GALNTL6: variants seen among roughly 807,000 people sequenced by gnomAD.
GALNTL6 encodes the protein polypeptide N-acetylgalactosaminyltransferase like 6.
A neutral mutation model predicts 73.7 loss-of-function variants in GALNTL6; 46 were observed. The observed-to-expected ratio is 0.62, with a 90% CI of 0.49 to 0.80. The LOEUF is 0.80. Ranked by LOEUF, GALNTL6 falls within the 30% of genes least tolerant of loss-of-function variation. GALNTL6 has a pLI of 0.00. For missense variants in GALNTL6, 604 were observed against 755.0 expected (o/e 0.80, Z 2.34); for synonymous variants, 259 against 263.7 (o/e 0.98, Z 0.17).
intron 5 of GALNTL6, among the ~76,000 whole-genome samples, chr4:172,672,380 C>A (rs1732039059): frequency 6.6e-6 from 1 of 152,174 alleles, no homozygotes; most frequent in African/African-American, 2.4e-5. Context: ...GGTACCTACA[C>A]TTTTTGATAG....
intron 10 of GALNTL6, among the ~76,000 whole-genome samples, chr4:172,980,217 G>A (rs2126429806): frequency 6.6e-6 from 1 of 152,278 alleles, no homozygotes; most frequent in Non-Finnish European, 1.5e-5. Context: ...TTTACACAAA[G>A]CAAAAGCAAC....
chr4:172,649,524 G>A (rs1740384260), intron 5 of GALNTL6, among the ~76,000 whole-genome samples: 1 of 152,144 alleles, frequency 6.6e-6, no homozygotes, highest in Non-Finnish European at 1.5e-5. Flanking sequence ...GCTCTCTTCT[G>A]TGTTAGAATA....
intron 5 of GALNTL6, among the ~76,000 whole-genome samples, chr4:172,628,647 A>G (rs575205318): frequency 9.2e-5 from 14 of 152,150 alleles, no homozygotes; most frequent in Admixed American, 6.5e-4. Context: ...CAGAGATGGT[A>G]TATCTCTGAA....
chr4:172,183,506 G>T (rs537087093), intron 2 of GALNTL6, among the ~76,000 whole-genome samples: 1 of 152,284 alleles, frequency 6.6e-6, no homozygotes, highest in Admixed American at 6.5e-5. Flanking sequence ...TTCAGTGTTG[G>T]TAGTTTCATT....
rs199943921 is a variant in GALNTL6 at position 172,882,759 on chromosome 4, T to C, written c.924-31T>C. 39 of 1,306,614 alleles carry C rather than the reference T, an allele frequency of 3.0e-5. No homozygotes were observed. The East Asian group carries it at 8.1e-4, about 27-fold the overall frequency. The allele number at this position is 1,306,614 out of a possible 1,614,324, so 80.9% of individuals were successfully genotyped here. A position where few individuals can be genotyped will look rare whatever the true frequency, so the allele number is the denominator to read the frequency against. ...ATGCCATTGTCTGTAACGTTCATAGTCCTTTAAAGATTATTTTGTTCATTT... is the reference window on the plus strand; with the variant it reads ...ATGCCATTGTCTGTAACGTTCATAGCCCTTTAAAGATTATTTTGTTCATTT... On this transcript the variant is annotated intron_variant, in intron 7 of 12. Coordinates refer to ENST00000506823, the MANE Select transcript of GALNTL6 (RefSeq NM_001034845.3).
chr4:172,480,870 C>G (rs999066896), intron 5 of GALNTL6, among the ~76,000 whole-genome samples: 3 of 152,142 alleles, frequency 2.0e-5, no homozygotes, highest in African/African-American at 7.2e-5. Context: ...ATGTCCTCCA[C>G]TAGACTAGCC....
chr4:172,964,276 T>C (rs1007268804), intron 10 of GALNTL6, among the ~76,000 whole-genome samples: 1 of 152,222 alleles, frequency 6.6e-6, no homozygotes. Flanking sequence ...GCTAAAGTCA[T>C]TTAGAGTGCT....
chr4:171,930,735 C>A (rs889409335), intron 2 of GALNTL6, among the ~76,000 whole-genome samples: 3 of 152,114 alleles, frequency 2.0e-5, no homozygotes, highest in African/African-American at 7.2e-5. Context: ...ACTTGGGAGG[C>A]TAAGGCAGAG....
intron 2 of GALNTL6, among the ~76,000 whole-genome samples, chr4:171,988,132 G>A (rs1740168980): frequency 6.6e-6 from 1 of 152,144 alleles, no homozygotes; most frequent in African/African-American, 2.4e-5. Flanking sequence ...CAGACATGAG[G>A]GCTAGGCTAA....
At chr4:172,398,693 A>T (rs973614670) in intron 5 of GALNTL6, among the ~76,000 whole-genome samples, 9 of 152,210 alleles carry the variant, frequency 5.9e-5, no homozygotes, top group African/African-American at 2.2e-4. Context: ...TGGTTCAATA[A>T]ACTATAATAT....
At chr4:172,007,505 AG>A in intron 2 of GALNTL6, among the ~76,000 whole-genome samples, 1 of 152,294 alleles carries the variant, frequency 6.6e-6, no homozygotes, top group South Asian at 2.1e-4. Flanking sequence ...ATCAAGTAAC[AG>A]CAGCAATTAA....
intron 9 of GALNTL6, among the ~76,000 whole-genome samples, chr4:172,937,704 G>T (rs978777610): frequency 1.3e-5 from 2 of 152,122 alleles, no homozygotes; most frequent in East Asian, 3.9e-4. Flanking sequence ...TGACAGTAAC[G>T]TACAGTCCAC....
intron 5 of GALNTL6, among the ~76,000 whole-genome samples, chr4:172,443,141 T>TATATAG (rs1731896434): frequency 8.5e-6 from 1 of 118,102 alleles, no homozygotes; most frequent in Non-Finnish European, 1.7e-5. Context: ...TATATATATA[T>TATATAG]ATATATATAT....
chr4:172,218,585 A>C (rs1449388496), intron 2 of GALNTL6, among the ~76,000 whole-genome samples: 1 of 152,088 alleles, frequency 6.6e-6, no homozygotes, highest in Non-Finnish European at 1.5e-5. Flanking sequence ...ATATCTTTCT[A>C]AAATTCTGAG....
chr4:172,337,277 T>C (rs1293051385), intron 4 of GALNTL6, among the ~76,000 whole-genome samples: 2 of 152,146 alleles, frequency 1.3e-5, no homozygotes, highest in Non-Finnish European at 2.9e-5. Context: ...GGTTACACCA[T>C]GTACATTCAA....
intron 3 of GALNTL6, among the ~76,000 whole-genome samples, chr4:172,244,743 C>G (rs1033810498): frequency 2.0e-5 from 3 of 152,098 alleles, no homozygotes; most frequent in African/African-American, 7.2e-5. Flanking sequence ...TACACAATCT[C>G]AAAAATTTTT....
chr4:172,518,453 A>T (rs1278186418), intron 5 of GALNTL6, among the ~76,000 whole-genome samples: 1 of 151,984 alleles, frequency 6.6e-6, no homozygotes, highest in African/African-American at 2.4e-5. Flanking sequence ...GTTACATATG[A>T]TGCAAACTCT....
intron 3 of GALNTL6, among the ~76,000 whole-genome samples, chr4:172,249,156 T>C (rs775593497): frequency 4.6e-5 from 7 of 152,160 alleles, no homozygotes; most frequent in Non-Finnish European, 1.0e-4. Context: ...CAAAATGTTA[T>C]AGTGATATGA....
At chr4:172,154,884 A>C (rs1330083388) in intron 2 of GALNTL6, among the ~76,000 whole-genome samples, 1 of 152,224 alleles carries the variant, frequency 6.6e-6, no homozygotes, top group African/African-American at 2.4e-5. Flanking sequence ...TGTAGTCTGA[A>C]AGTTTATGTG....
Sources: allele counts gnomAD v4.1 joint callset (sites outside exome capture counted in the v4.1 genomes callset), GRCh38; gene constraint gnomAD v4.1.1; transcripts MANE v1.5; gene names NCBI Gene and HGNC (gene_info 2026-07-23, HGNC 2026-07-21).